Variants in CRB1 observed in about 807,000 individuals in gnomAD.
The protein encoded by CRB1 is crumbs cell polarity complex component 1.
In CRB1, 83 loss-of-function variants were observed where a neutral mutation model predicts 120.0. The observed-to-expected ratio is 0.69, with a 90% CI of 0.58 to 0.83. CRB1 has a LOEUF of 0.83. CRB1 is among the 40% of genes least tolerant of loss of function. The pLI is 0.00. For synonymous variants in CRB1, 625 were observed against 612.5 expected, an observed-to-expected ratio of 1.02 and a Z score of -0.30; for missense variants, 1,699 against 1,687.6, an observed-to-expected ratio of 1.01 and a Z score of -0.12.
intron 1 of CRB1, among the ~76,000 whole-genome samples, chr1:197,296,992 G>A (rs551801709): frequency 1.1e-3 from 171 of 152,022 alleles, no homozygotes; most frequent in Non-Finnish European, 2.1e-3. Context: ...GCATGAAAAC[G>A]GACTAATACA....
At chr1:197,228,183 T>C in the CRB1 span, among the ~76,000 whole-genome samples, 1 of 152,196 alleles carries the variant, frequency 6.6e-6, no homozygotes, top group East Asian at 1.9e-4. Context: ...GGGATTAACA[T>C]TTGGCTCCTT....
At chr1:197,222,147 G>A in the CRB1 span, 1 of 374,532 alleles carries the variant, frequency 2.7e-6, no homozygotes, top group Non-Finnish European at 5.1e-6. Context: ...CCGTCACCCA[G>A]TCACACCGCA....
At chr1:197,342,615 A>G (rs1659534786) in intron 2 of CRB1, among the ~76,000 whole-genome samples, 1 of 152,036 alleles carries the variant, frequency 6.6e-6, no homozygotes, top group Non-Finnish European at 1.5e-5. Context: ...TCCAGTCTCT[A>G]TATTTTATAC....
At chr1:197,255,996 T>TATATATATGC in the CRB1 span, among the ~76,000 whole-genome samples, 1 of 116,712 alleles carries the variant, frequency 8.6e-6, no homozygotes, top group East Asian at 3.9e-4. Flanking sequence ...TATATATATA[T>TATATATATGC]ACACTACAAT....
intron 11 of CRB1, among the ~76,000 whole-genome samples, chr1:197,454,586 G>A (rs1374792916): frequency 6.6e-6 from 1 of 152,134 alleles, no homozygotes; most frequent in Non-Finnish European, 1.5e-5. Context: ...GCAACATACA[G>A]AGTGGAGCTC....
In CRB1 at chr1:197,344,264, GCTGA is replaced by G. The variant is rs760509329; in HGVS notation, c.653-14_653-11del. 7 of 1,613,344 alleles carry G rather than the reference GCTGA, an allele frequency of 4.3e-6. No homozygotes were observed. Among genetic ancestry groups the G allele is most frequent in the South Asian group, 1.1e-5 (1 of 91,068 alleles). On this transcript the variant is annotated splice_polypyrimidine_tract_variant and intron_variant, in intron 2 of 11. Coordinates refer to ENST00000367400, the MANE Select transcript of CRB1 (RefSeq NM_201253.3). Reference sequence around the variant, plus strand: ...CTAAAACTTTTTCTGTTTTTTCTGTGCTGACTTTTTTAAAAGGTGTAAACTGTGA... The same window carrying G: ...CTAAAACTTTTTCTGTTTTTTCTGTGCTTTTTTAAAAGGTGTAAACTGTGA...
intron 1 of CRB1, among the ~76,000 whole-genome samples, chr1:197,276,758 A>G (rs1465236051): frequency 2.6e-5 from 4 of 151,972 alleles, no homozygotes; most frequent in Non-Finnish European, 5.9e-5. Flanking sequence ...TGAGTAAAAC[A>G]GGGCAAATTA....
chr1:197,427,320 G>T, intron 6 of CRB1, 134 bp from the exon 7 acceptor site: 1 of 697,138 alleles, frequency 1.4e-6, no homozygotes, highest in South Asian at 1.7e-5. Context: ...AACTTTAAAA[G>T]CTATGTATGA....
At chr1:197,459,686 C>T (rs1351550018) in intron 11 of CRB1, among the ~76,000 whole-genome samples, 2 of 152,098 alleles carry the variant, frequency 1.3e-5, no homozygotes, top group African/African-American at 4.8e-5. Flanking sequence ...CAGACCATGG[C>T]AGGATCTTAC....
Position 197,468,325 on chromosome 1 carries a change from C to A in CRB1, c.4006-9339C>A, listed in dbSNP as rs149466903. 4.0e-5 allele frequency among the ~76,000 whole-genome samples: 6 copies of A among 151,836 alleles called. No homozygotes were observed. The East Asian group carries it at 1.2e-3, about 29-fold the overall frequency. ...CCCACCCCCAGGCACTATCACTAAA[C>A]AGTGAATTATTTTAAAGATAATGGT... On this transcript the variant is annotated intron_variant, in intron 11 of 11. Transcript: ENST00000367400.
At chr1:197,394,169 A>T (rs890777204) in intron 5 of CRB1, among the ~76,000 whole-genome samples, 2 of 151,948 alleles carry the variant, frequency 1.3e-5, no homozygotes, top group African/African-American at 4.8e-5. Flanking sequence ...TTCTACTTCC[A>T]CTTCCTCTGT....
chr1:197,437,746 G>A (rs929165191), intron 9 of CRB1, among the ~76,000 whole-genome samples: 1 of 152,024 alleles, frequency 6.6e-6, no homozygotes. Flanking sequence ...ACACACAACA[G>A]AACAAAATTC....
chr1:197,340,640 C>T (rs1424791896), intron 2 of CRB1, among the ~76,000 whole-genome samples: 1 of 152,052 alleles, frequency 6.6e-6, no homozygotes, highest in Non-Finnish European at 1.5e-5. Context: ...ATGATGAGAT[C>T]TGATGACTAA....
chr1:197,427,874 G>T lies in CRB1; in HGVS notation c.2549G>T (p.Gly850Val), dbSNP rs757137398. ...ETELNGGFFK[G>V]CIQDVRLNNQ... ...GAACTTAATGGTGGATTCTTCAAAG[G>T]CTGTATCCAAGATGTAAGACTAAAC... is the stretch of plus-strand genomic sequence containing the variant. The change falls in exon 7 of 12, where the codon GGC becomes GTC. Residue 850 changes from glycine to valine, a missense_variant. Physicochemically the swap from Gly to Val is moderately radical, Grantham distance 109. Coordinates refer to ENST00000367400, the MANE Select transcript of CRB1 (RefSeq NM_201253.3). 2.5e-6 allele frequency: 4 copies of T among 1,613,866 alleles called. No individual in the cohort carries two copies. The Admixed American group carries it at 5.0e-5, about 20-fold the overall frequency.
intron 1 of CRB1, among the ~76,000 whole-genome samples, chr1:197,324,443 C>A (rs1488145444): frequency 6.6e-6 from 1 of 152,116 alleles, no homozygotes; most frequent in East Asian, 1.9e-4. Flanking sequence ...TAAAAAACTA[C>A]TTTATGCTTG....
intron 11 of CRB1, among the ~76,000 whole-genome samples, chr1:197,457,086 C>G (rs1571605390): frequency 6.6e-6 from 1 of 152,236 alleles, no homozygotes; most frequent in African/African-American, 2.4e-5. Flanking sequence ...TTTCATTCTC[C>G]TTTGCCTAGT....
At chr1:197,277,359 A>G (rs770279928) in intron 1 of CRB1, among the ~76,000 whole-genome samples, 21 of 151,896 alleles carry the variant, frequency 1.4e-4, no homozygotes, top group Non-Finnish European at 2.9e-5. Context: ...TTAAATACTT[A>G]TTTTACTTTC....
chr1:197,264,639 A>G (rs1487806401), upstream of CRB1, among the ~76,000 whole-genome samples: 2 of 149,356 alleles, frequency 1.3e-5, no homozygotes, highest in Non-Finnish European at 3.0e-5. Flanking sequence ...TTTGAGACAA[A>G]GTCTCACTCT....
intron 5 of CRB1, among the ~76,000 whole-genome samples, chr1:197,358,504 A>G (rs1205243985): frequency 1.3e-5 from 2 of 152,212 alleles, no homozygotes; most frequent in East Asian, 3.8e-4. Flanking sequence ...GCCAGGAATG[A>G]CTATATGAGT....
Sources: gnomAD v4.1 joint callset for allele counts (sites outside exome capture counted in the v4.1 genomes callset) on GRCh38, gnomAD v4.1.1 for gene constraint, MANE v1.5 for transcripts, NCBI Gene and HGNC (gene_info 2026-07-23, HGNC 2026-07-21) for gene names.